RIT2: variants seen among roughly 807,000 people sequenced by gnomAD.
The protein encoded by RIT2 is GTP-binding protein Rit2.
A neutral mutation model predicts 23.7 loss-of-function variants in RIT2; 24 were observed. That is an observed-to-expected ratio of 1.01 (90% CI 0.73 to 1.43). RIT2 has a LOEUF of 1.43. Ranked by LOEUF, RIT2 falls within the 40% of genes most tolerant of loss-of-function variation. The pLI is 0.00. For missense variants in RIT2, 236 were observed against 266.9 expected, an observed-to-expected ratio of 0.88 and a Z score of 0.81; for synonymous variants, 107 against 91.1, an observed-to-expected ratio of 1.17 and a Z score of -0.99.
chr18:42,813,780 T>C (rs1285637699), intron 4 of RIT2, among the ~76,000 whole-genome samples: 3 of 152,186 alleles, frequency 2.0e-5, no homozygotes, highest in South Asian at 4.1e-4. Flanking sequence ...TGCGTCATGA[T>C]ACTTTGCTGC....
At chr18:43,095,624 T>C (rs1465676943) in intron 1 of RIT2, among the ~76,000 whole-genome samples, 1 of 152,004 alleles carries the variant, frequency 6.6e-6, no homozygotes, top group Non-Finnish European at 1.5e-5. Context: ...AACTTAATTT[T>C]AAATTCAATG....
intron 1 of RIT2, among the ~76,000 whole-genome samples, chr18:43,105,963 C>T (rs1257442755): frequency 1.3e-5 from 2 of 152,194 alleles, no homozygotes; most frequent in Non-Finnish European, 2.9e-5. Context: ...GCACAGTGGA[C>T]AGTGGTTAAG....
At chr18:42,885,441 C>T (rs1290426938) in intron 4 of RIT2, among the ~76,000 whole-genome samples, 6 of 152,082 alleles carry the variant, frequency 3.9e-5, no homozygotes, top group Admixed American at 3.3e-4. Context: ...AAAAAATTAG[C>T]CAGGCGTGGT....
intron 3 of RIT2, among the ~76,000 whole-genome samples, chr18:42,940,488 G>T (rs1056517044): frequency 6.6e-6 from 1 of 151,168 alleles, no homozygotes; most frequent in Non-Finnish European, 1.5e-5. Context: ...CTACTTGTTG[G>T]CCTATCACAC....
intron 2 of RIT2, 143 bp downstream of exon 2, chr18:43,033,668 G>T: frequency 1.6e-6 from 1 of 628,454 alleles, no homozygotes; most frequent in Non-Finnish European, 2.8e-6. Flanking sequence ...GTTGTGGTAC[G>T]TTACATATGA....
intron 3 of RIT2, among the ~76,000 whole-genome samples, chr18:42,933,163 T>A (rs1909368978): frequency 6.6e-6 from 1 of 152,176 alleles, no homozygotes; most frequent in South Asian, 2.1e-4. Context: ...TTTGATGTGC[T>A]AACTCTATGA....
chr18:43,074,993 T>C (rs1438033962), intron 1 of RIT2, among the ~76,000 whole-genome samples: 1 of 152,148 alleles, frequency 6.6e-6, no homozygotes, highest in East Asian at 1.9e-4. Flanking sequence ...AAACCACCAT[T>C]GTACACATTT....
intron 1 of RIT2, among the ~76,000 whole-genome samples, chr18:43,067,134 A>G (rs1265738203): frequency 6.6e-6 from 1 of 152,060 alleles, no homozygotes; most frequent in Non-Finnish European, 1.5e-5. Flanking sequence ...AGTGATAGAG[A>G]TGAGTAACTG....
At chr18:43,105,071 C>T (rs966076261) in intron 1 of RIT2, among the ~76,000 whole-genome samples, 1 of 151,114 alleles carries the variant, frequency 6.6e-6, no homozygotes, top group African/African-American at 2.4e-5. Flanking sequence ...GGCAATTGTC[C>T]TCCAGTCCTT....
chr18:42,932,108 C>T (rs1378096331), intron 3 of RIT2, among the ~76,000 whole-genome samples: 10 of 152,076 alleles, frequency 6.6e-5, no homozygotes, highest in African/African-American at 2.4e-4. Context: ...TAAAATTTTA[C>T]AGTTGTATTG....
At chr18:42,843,720 T>C (rs1423188991) in intron 4 of RIT2, among the ~76,000 whole-genome samples, 3 of 152,318 alleles carry the variant, frequency 2.0e-5, no homozygotes, top group African/African-American at 7.2e-5. Flanking sequence ...CTTTGGCAAG[T>C]ATATAACAGA....
At chr18:42,783,689 T>C (rs1447711181) in intron 4 of RIT2, among the ~76,000 whole-genome samples, 2 of 152,034 alleles carry the variant, frequency 1.3e-5, no homozygotes, top group Non-Finnish European at 2.9e-5. Flanking sequence ...AGGAGTGAGT[T>C]GGGAGAGAGA....
chr18:42,865,123 G>C (rs370665073), intron 4 of RIT2, among the ~76,000 whole-genome samples: 1 of 152,184 alleles, frequency 6.6e-6, no homozygotes, highest in South Asian at 2.1e-4. Context: ...GCCATGAGCA[G>C]TATTATCTGT....
chr18:43,060,200 G>C (rs67753116), intron 1 of RIT2, among the ~76,000 whole-genome samples: 20,328 of 152,096 alleles, frequency 0.13, 1,836 homozygotes, highest in East Asian at 0.4. Flanking sequence ...AGTTCATAGA[G>C]AATAAGAGAG....
chr18:42,940,236 CTATATATATATATATATATATA>C (rs5824460), intron 3 of RIT2, among the ~76,000 whole-genome samples: 3 of 86,964 alleles, frequency 3.4e-5, no homozygotes, highest in East Asian at 6.2e-4. Context: ...GAAAGGCTCA[CTATATATATATATATATATATA>C]TATATATATA....
At chr18:42,786,109 C>G (rs1050911440) in intron 4 of RIT2, among the ~76,000 whole-genome samples, 1 of 151,972 alleles carries the variant, frequency 6.6e-6, no homozygotes, top group African/African-American at 2.4e-5. Flanking sequence ...CACATGAGGA[C>G]AGCAAAAAGA....
intron 4 of RIT2, among the ~76,000 whole-genome samples, chr18:42,776,592 A>G (rs1393907606): frequency 6.6e-6 from 1 of 152,132 alleles, no homozygotes. Flanking sequence ...TCAATATCAA[A>G]TATCTTATTT....
At chr18:42,754,446 T>A (rs1469658362) in intron 4 of RIT2, among the ~76,000 whole-genome samples, 1 of 152,152 alleles carries the variant, frequency 6.6e-6, no homozygotes, top group African/African-American at 2.4e-5. Context: ...CATTCCTCAA[T>A]ACATATTTTT....
intron 2 of RIT2, among the ~76,000 whole-genome samples, chr18:42,980,620 C>T (rs1472721911): frequency 6.6e-6 from 1 of 152,096 alleles, no homozygotes; most frequent in Non-Finnish European, 1.5e-5. Context: ...GCAGATTCTC[C>T]AGTGACTAAC....
Sources: allele counts gnomAD v4.1 joint callset (sites outside exome capture counted in the v4.1 genomes callset), GRCh38; gene constraint gnomAD v4.1.1; transcripts MANE v1.5; gene names NCBI Gene and HGNC (gene_info 2026-07-23, HGNC 2026-07-21).